Variants in TRIM39 observed in about 807,000 individuals in gnomAD.
TRIM39 encodes E3 ubiquitin-protein ligase TRIM39.
TRIM39 carries 5 observed loss-of-function variants against 53.6 expected under a neutral mutation model. The observed-to-expected ratio is 0.09, with a 90% confidence interval of 0.05 to 0.20. The LOEUF (loss-of-function observed/expected upper bound fraction) is 0.20. Ranked by LOEUF, TRIM39 falls within the 10% of genes least tolerant of loss-of-function variation. The probability of loss-of-function intolerance (pLI) is 1.00; values close to 1 mark genes in which losing one functional copy is unlikely to be tolerated. For synonymous variants in TRIM39, 196 were observed against 237.6 expected (o/e 0.82, Z 1.61); for missense variants, 310 against 621.0 (o/e 0.50, Z 5.32).
At chr6:30,343,063 C>G (rs1486014288) in exon 8 of TRIM39, 1 of 152,668 alleles carries the variant, frequency 6.6e-6, no homozygotes, top group African/African-American at 2.4e-5. Flanking sequence ...TGGAAGAGAT[C>G]CTGCAAGACA....
At position 30,339,208 on chromosome 6, in the gene TRIM39, G is replaced by C. The variant is rs998434766; in HGVS notation, c.781-700G>C. Among the ~76,000 whole-genome samples, 2 of 151,646 alleles carry C rather than the reference G, an allele frequency of 1.3e-5. No homozygotes were observed. Among genetic ancestry groups the C allele is most frequent in the African/African-American group, 4.9e-5 (2 of 41,228 alleles). On this transcript the variant is annotated intron_variant, in intron 5 of 7. Transcript: ENST00000396551. This position sits in a 1 kb window ranked among gnomAD's most constrained non-coding sequence, Gnocchi z 4.2. ...TCTGTCGCCCAGGCTGGAGTGCAGT[G>C]CATGATCTCGGCTCACTGCAACCTT... is the stretch of plus-strand genomic sequence containing the variant.
chr6:30,330,322 A>G (rs950345749), intron 3 of TRIM39, among the ~76,000 whole-genome samples: 1 of 152,252 alleles, frequency 6.6e-6, no homozygotes, highest in African/African-American at 2.4e-5. Context: ...GCATTTTATC[A>G]TATACTTTGC....
In TRIM39 at chr6:30,342,307, C is replaced by A; in HGVS notation, c.*48C>A. ...TGGGGTGAGGCAGGGTCAAGTGCTA[C>A]GGGCCTCCTTCCCGTGTCCTGCTGG... On this transcript the variant is annotated 3_prime_UTR_variant, in exon 8 of 8. Coordinates refer to ENST00000396551, the Ensembl canonical transcript of TRIM39. The surrounding 1 kb of genome is among the most constrained non-coding windows in gnomAD (Gnocchi z 4.7). 1 of 1,583,062 alleles carries A rather than the reference C, an allele frequency of 6.3e-7. No individual in the cohort carries two copies.
At chr6:30,327,519 G>A (rs1785513891) in intron 1 of TRIM39, 1 of 152,700 alleles carries the variant, frequency 6.5e-6, no homozygotes, top group Admixed American at 6.5e-5. Flanking sequence ...CTTCAGCTGA[G>A]ACACAAGGAG....
rs758507460 is a variant in TRIM39 at position 30,339,761 on chromosome 6, G to A, written c.781-147G>A. The A allele has an allele frequency of 3.3e-5, 36 of 1,093,954 alleles. No homozygotes were observed. Among genetic ancestry groups the A allele is most frequent in the Non-Finnish European group, 4.2e-5 (31 of 741,248 alleles). The allele number at this position is 1,093,954 out of a possible 1,614,324, so 67.8% of individuals were successfully genotyped here. A position where few individuals can be genotyped will look rare whatever the true frequency, so the allele number is the denominator to read the frequency against. ...GTTGGGAGAAGTGCATTCAGGTCCCGCTGGAGCTCTTCTTGCACTGTGTGA... is the reference window on the plus strand; with the variant it reads ...GTTGGGAGAAGTGCATTCAGGTCCCACTGGAGCTCTTCTTGCACTGTGTGA... On this transcript the variant is annotated intron_variant, in intron 5 of 7. Transcript: ENST00000396551. The surrounding 1 kb of genome is among the most constrained non-coding windows in gnomAD (Gnocchi z 4.2).
intron 4 of TRIM39, among the ~76,000 whole-genome samples, chr6:30,331,603 T>A (rs1786184063): frequency 6.6e-6 from 1 of 152,170 alleles, no homozygotes; most frequent in Non-Finnish European, 1.5e-5. Context: ...ACCAAGAGTC[T>A]CAGAAGAACT....
intron 7 of TRIM39, 87 bp downstream of exon 7, chr6:30,340,707 T>A (rs956141733): frequency 4.4e-6 from 6 of 1,377,446 alleles, no homozygotes; most frequent in African/African-American, 2.9e-5. Context: ...TCAGTTATCC[T>A]ATGTCTCACT....
exon 8 of TRIM39, chr6:30,343,201 G>A (rs1787743704): frequency 6.5e-6 from 1 of 152,674 alleles, no homozygotes; most frequent in Non-Finnish European, 1.5e-5. Context: ...CTCCCAAATT[G>A]TCAGCCTTCT....
chr6:30,341,652 G>T, intron 7 of TRIM39, 60 bp from the exon 8 acceptor site: 1 of 1,538,442 alleles, frequency 6.5e-7, no homozygotes. Context: ...GAAGAGTGAG[G>T]CAGGGGCATT....
At chr6:30,328,178 A>G (rs753354849) in intron 1 of TRIM39, among the ~76,000 whole-genome samples, 4 of 152,196 alleles carry the variant, frequency 2.6e-5, no homozygotes, top group African/African-American at 2.4e-5. Flanking sequence ...TTAATTCGCA[A>G]CCACTCCAGG....
intron 6 of TRIM39, 136 bp downstream of exon 6, chr6:30,340,066 T>G: frequency 2.9e-6 from 4 of 1,400,260 alleles, no homozygotes. Flanking sequence ...GAATGTTCAT[T>G]GTGCCCATGA....
chr6:30,340,205 A>G lies in TRIM39; in HGVS notation c.803+275A>G, dbSNP rs148798337. ...GTGCCAGTGGGTGGAATTGTGTCCAAACAAGATGGCAGGAGGAAGGGGTTG... is the reference window on the plus strand; with the variant it reads ...GTGCCAGTGGGTGGAATTGTGTCCAGACAAGATGGCAGGAGGAAGGGGTTG... On this transcript the variant is annotated intron_variant, in intron 6 of 7. Coordinates refer to ENST00000396551, the Ensembl canonical transcript of TRIM39. The G allele has an allele frequency of 3.9e-3, 5,561 of 1,416,580 alleles. 23 individuals carry two copies. The highest frequency in any genetic ancestry group is 0.013 in the Middle Eastern group (74 of 5,558). The allele number at this position is 1,416,580 out of a possible 1,614,324, so 87.8% of individuals were successfully genotyped here. A position where few individuals can be genotyped will look rare whatever the true frequency, so the allele number is the denominator to read the frequency against.
chr6:30,332,298 A>C (rs1353941061), intron 4 of TRIM39, among the ~76,000 whole-genome samples: 2 of 152,208 alleles, frequency 1.3e-5, no homozygotes, highest in African/African-American at 4.8e-5. Context: ...CTTGAGCTTA[A>C]AGTTAAGTGG....
chr6:30,331,165 C>T (rs910162353), intron 4 of TRIM39, among the ~76,000 whole-genome samples: 1 of 151,718 alleles, frequency 6.6e-6, no homozygotes, highest in Admixed American at 6.6e-5. Context: ...GCGACTTGGG[C>T]GGCTGAGGCA....
In TRIM39 at chr6:30,339,937, G is replaced by A. The variant is rs1162444522; in HGVS notation, c.803+7G>A. 3 of 1,614,150 alleles carry A rather than the reference G, an allele frequency of 1.9e-6. No homozygotes were observed. Among genetic ancestry groups the A allele is most frequent in the Admixed American group, 1.7e-5 (1 of 60,016 alleles). On this transcript the variant is annotated splice_region_variant and intron_variant, in intron 6 of 7. Transcript: ENST00000396551. This position sits in a 1 kb window ranked among gnomAD's most constrained non-coding sequence, Gnocchi z 4.2. ...TCAAAAGTACCCTGGAAAAGTAAGT[G>A]ATTGTTGTATCTCTCTGAGTGAGTT...
chr6:30,334,787 G>A (rs1032430427), intron 4 of TRIM39, among the ~76,000 whole-genome samples: 5 of 152,122 alleles, frequency 3.3e-5, no homozygotes, highest in Non-Finnish European at 7.4e-5. Flanking sequence ...AGGCTGGAGG[G>A]CAGTAGTGAT....
chr6:30,335,722 C>G lies in TRIM39; in HGVS notation c.550-23C>G. ...TTATACCACACTGACCCTGCTGATA[C>G]AACATCTTCCCTCTCTTCTCAGAGA... On this transcript the variant is annotated intron_variant, in intron 4 of 7. Coordinates refer to ENST00000396551, the Ensembl canonical transcript of TRIM39. The surrounding 1 kb of genome is among the most constrained non-coding windows in gnomAD (Gnocchi z 4.7). 2 of 1,610,122 alleles carry G rather than the reference C, an allele frequency of 1.2e-6. No individual in the cohort carries two copies. Among genetic ancestry groups the G allele is most frequent in the South Asian group, 1.1e-5 (1 of 90,430 alleles).
At chr6:30,340,611 C>A (rs1160281236) in exon 7 of TRIM39, 1 of 1,611,608 alleles carries the variant, frequency 6.2e-7, no homozygotes, top group East Asian at 2.2e-5. Flanking sequence ...AATCCTTAAA[C>A]AGCTAATTGG....
chr6:30,330,948 T>G (rs1254961714), intron 4 of TRIM39, 72 bp downstream of exon 4: 5 of 1,526,292 alleles, frequency 3.3e-6, no homozygotes, highest in Non-Finnish European at 4.5e-6. Context: ...TGTACACTAT[T>G]TAATCCACCA....
Sources: gnomAD v4.1 joint callset for allele counts (sites outside exome capture counted in the v4.1 genomes callset) on GRCh38, gnomAD v4.1.1 for gene constraint, Gnocchi (gnomAD v3.1) non-coding constraint, MANE v1.5 for transcripts, NCBI Gene and HGNC (gene_info 2026-07-23, HGNC 2026-07-21) for gene names.